The following DCLK2 variants were observed in gnomAD, a reference collection of about 807,000 sequenced individuals.
DCLK2 encodes the protein doublecortin like kinase 2, also known as serine/threonine-protein kinase DCLK2.
A neutral mutation model predicts 78.4 loss-of-function variants in DCLK2; 31 were observed. That is an observed-to-expected ratio of 0.40 (90% CI 0.30 to 0.53). DCLK2 has a LOEUF of 0.53. Among genes scored for constraint, DCLK2 ranks in the 20% least tolerant of loss-of-function variants. The probability of loss-of-function intolerance (pLI) is 0.61; values close to 1 mark genes in which losing one functional copy is unlikely to be tolerated. For missense variants in DCLK2, 872 were observed against 973.7 expected (o/e 0.90, Z 1.39); for synonymous variants, 407 against 374.9 (o/e 1.09, Z -0.99).
chr4:150,201,556 C>T (rs1204183495), intron 4 of DCLK2, among the ~76,000 whole-genome samples: 1 of 152,066 alleles, frequency 6.6e-6, no homozygotes, highest in Non-Finnish European at 1.5e-5. Context: ...TTATTGATAC[C>T]AGTTAAATCC....
At chr4:150,124,147 G>A (rs1732764730) in intron 2 of DCLK2, among the ~76,000 whole-genome samples, 1 of 152,044 alleles carries the variant, frequency 6.6e-6, no homozygotes, top group Admixed American at 6.6e-5. Flanking sequence ...GTAGTGTGAT[G>A]CAGCTGCCAG....
At chr4:150,128,658 A>T (rs7695751) in intron 2 of DCLK2, among the ~76,000 whole-genome samples, 1 of 152,098 alleles carries the variant, frequency 6.6e-6, no homozygotes, top group South Asian at 2.1e-4. Flanking sequence ...GCTTATGGGA[A>T]GTAGCTCCTA....
chr4:150,093,462 A>G (rs1463366599), intron 1 of DCLK2, among the ~76,000 whole-genome samples: 1 of 152,086 alleles, frequency 6.6e-6, no homozygotes, highest in African/African-American at 2.4e-5. Flanking sequence ...GCTTACTGCA[A>G]CCTCCACCTC....
At chr4:150,185,089 T>G (rs1234769807) in intron 2 of DCLK2, among the ~76,000 whole-genome samples, 1 of 152,168 alleles carries the variant, frequency 6.6e-6, no homozygotes, top group Non-Finnish European at 1.5e-5. Context: ...GACTGGGTGA[T>G]TCATAAAGGA....
intron 2 of DCLK2, among the ~76,000 whole-genome samples, chr4:150,186,152 A>T (rs1737912495): frequency 6.6e-6 from 1 of 152,202 alleles, no homozygotes; most frequent in Non-Finnish European, 1.5e-5. Context: ...AGAAGCAAAC[A>T]GTAAGAGGCC....
chr4:150,166,159 G>A (rs1346378575), intron 2 of DCLK2, among the ~76,000 whole-genome samples: 1 of 152,038 alleles, frequency 6.6e-6, no homozygotes, highest in Admixed American at 6.6e-5. Flanking sequence ...TTTAATGGAG[G>A]TAATTTAGAT....
chr4:150,197,835 A>G (rs1308109018), intron 3 of DCLK2, among the ~76,000 whole-genome samples, 167 bp from the exon 4 acceptor site: 1 of 152,072 alleles, frequency 6.6e-6, no homozygotes, highest in East Asian at 1.9e-4. Flanking sequence ...GCCTGACTGA[A>G]GGTAAACTCA....
chr4:150,195,568 G>T (rs1324736330), intron 3 of DCLK2, among the ~76,000 whole-genome samples: 3 of 132,020 alleles, frequency 2.3e-5, no homozygotes, highest in Admixed American at 9.9e-5. Flanking sequence ...TTGATGTCAG[G>T]TGTCATTTTG....
At chr4:150,207,049 C>T (rs1420494635) in intron 5 of DCLK2, among the ~76,000 whole-genome samples, 3 of 152,044 alleles carry the variant, frequency 2.0e-5, no homozygotes, top group Non-Finnish European at 2.9e-5. Flanking sequence ...TTTAAAATAG[C>T]TTATTAAGAT....
At chr4:150,194,961 T>C (rs1738753965) in intron 3 of DCLK2, among the ~76,000 whole-genome samples, 1 of 150,134 alleles carries the variant, frequency 6.7e-6, no homozygotes, top group African/African-American at 2.4e-5. Flanking sequence ...GTTTTTCTGT[T>C]TTGTTTTTCA....
intron 2 of DCLK2, among the ~76,000 whole-genome samples, chr4:150,162,946 A>G (rs1472035925): frequency 6.6e-6 from 1 of 152,202 alleles, no homozygotes; most frequent in African/African-American, 2.4e-5. Flanking sequence ...TTAGCTTACT[A>G]TTTAATATGA....
intron 2 of DCLK2, among the ~76,000 whole-genome samples, chr4:150,129,811 A>T (rs1345942141): frequency 6.6e-6 from 1 of 151,934 alleles, no homozygotes; most frequent in African/African-American, 2.4e-5. Flanking sequence ...TTTATTTTTT[A>T]AAATCAGAAG....
intron 2 of DCLK2, among the ~76,000 whole-genome samples, chr4:150,183,718 G>T (rs1331473756): frequency 6.6e-6 from 1 of 151,386 alleles, no homozygotes; most frequent in African/African-American, 2.4e-5. Context: ...CATTTCTTTT[G>T]ATTTCTTTTT....
At position 150,172,760 on chromosome 4, in the gene DCLK2, T is replaced by TTTG. The variant is rs762854376; in HGVS notation, c.757-20378_757-20377insTTG. On this transcript the variant is annotated intron_variant, in intron 2 of 15. Transcript: ENST00000296550. ...CTCTAGAGAGTGTTCTTTTTTTTTT[T>TTTG]GGGGGGGGGGGGGATACCTTGCTCT... is the stretch of plus-strand genomic sequence containing the variant. 1.2e-3 allele frequency among the ~76,000 whole-genome samples: 155 copies of TTTG among 124,942 alleles called. 8 individuals carry two copies. The highest frequency in any genetic ancestry group is 3.8e-3 in the Middle Eastern group (1 of 266). The allele number at this position is 124,942 out of a possible 152,430, so 82.0% of individuals were successfully genotyped here. A position where few individuals can be genotyped will look rare whatever the true frequency, so the allele number is the denominator to read the frequency against.
At position 150,079,320 on chromosome 4, in the gene DCLK2, C is replaced by T. The variant is rs1313517938; in HGVS notation, c.293C>T (p.Ser98Phe). The change falls in exon 1 of 16, where the codon TCC becomes TTC. Residue 98 changes from serine (S) to phenylalanine (F), a missense_variant. Ser to Phe is a radical substitution (Grantham distance 155). Around this residue, in one of 3 missense-constraint regions of DCLK2, gnomAD observed 567 missense variants for 593.4 expected, o/e 0.96. Coordinates refer to ENST00000296550, the MANE Select transcript of DCLK2 (RefSeq NM_001040260.4). ...GCCATCTCCAGCGACCGCTTCCGGT[C>T]CTTCGATGCGCTCCTCATAGAGCTC... ...VFAISSDRFR[S>F]FDALLIELTR... The T allele has an allele frequency of 6.3e-7, 1 of 1,591,172 alleles. No individual in the cohort carries two copies. Among genetic ancestry groups the T allele is most frequent in the Admixed American group, 1.8e-5 (1 of 56,774 alleles).
chr4:150,084,294 G>C (rs1320109542), intron 1 of DCLK2, among the ~76,000 whole-genome samples: 1 of 152,188 alleles, frequency 6.6e-6, no homozygotes, highest in Non-Finnish European at 1.5e-5. Context: ...TCCCTTAGTT[G>C]TCTAGGGAAG....
At chr4:150,250,207 A>C (rs565658044) in intron 15 of DCLK2, among the ~76,000 whole-genome samples, 2 of 152,214 alleles carry the variant, frequency 1.3e-5, no homozygotes, top group Non-Finnish European at 2.9e-5. Context: ...TTCATTTTTC[A>C]GGGTTGGTAA....
chr4:150,170,354 T>A (rs1288081004), intron 2 of DCLK2, among the ~76,000 whole-genome samples: 3 of 152,088 alleles, frequency 2.0e-5, no homozygotes, highest in Non-Finnish European at 2.9e-5. Context: ...AGTTTTTTTT[T>A]AAAAGAAAGA....
intron 2 of DCLK2, among the ~76,000 whole-genome samples, chr4:150,178,483 C>T (rs768642128): frequency 1.3e-5 from 2 of 151,030 alleles, no homozygotes; most frequent in Non-Finnish European, 2.9e-5. Context: ...AGGATTTCTT[C>T]GACCGTAGAT....
Sources: allele counts gnomAD v4.1 joint callset (sites outside exome capture counted in the v4.1 genomes callset), GRCh38; gene constraint gnomAD v4.1.1; regional missense constraint gnomAD v4.1.1; transcripts MANE v1.5; gene names NCBI Gene and HGNC (gene_info 2026-07-23, HGNC 2026-07-21).